CDK19: variants seen among roughly 807,000 people sequenced by gnomAD.
CDK19 encodes the protein cyclin dependent kinase 19, also known as cyclin-dependent kinase 19.
In CDK19, 20 loss-of-function variants were observed where a neutral mutation model predicts 68.3. The ratio of observed to expected loss-of-function variants is 0.29; its 90% confidence interval spans 0.21 to 0.43. The LOEUF (loss-of-function observed/expected upper bound fraction) is 0.43. Among genes scored for constraint, CDK19 ranks in the 20% least tolerant of loss-of-function variants. CDK19 has a pLI of 1.00. For synonymous variants in CDK19, 221 were observed against 222.8 expected (o/e 0.99, Z 0.07); for missense variants, 339 against 623.5 (o/e 0.54, Z 4.86).
At chr6:110,728,453 G>A (rs2114782590) in intron 2 of CDK19, among the ~76,000 whole-genome samples, 2 of 151,934 alleles carry the variant, frequency 1.3e-5, no homozygotes, top group Middle Eastern at 6.8e-3. Context: ...AAATCTCTAA[G>A]TTTTTTTCCA....
rs1056627229 is a variant in CDK19 at position 110,610,959 on chromosome 6, T to A, written c.*3576A>T. 2 of 152,208 alleles carry A rather than the reference T, an allele frequency of 1.3e-5. No individual in the cohort carries two copies. Among genetic ancestry groups the A allele is most frequent in the African/African-American group, 4.8e-5 (2 of 41,446 alleles). 9.4% of individuals were successfully genotyped at this position (152,208 alleles called of 1,614,324 possible). A position where few individuals can be genotyped will look rare whatever the true frequency, so the allele number is the denominator to read the frequency against. Reference sequence around the variant, plus strand: ...AGGCAGCACACATAGGTAAATGTCATCCCTTTCCATTCTTAAGAGTCCATT... The same window carrying A: ...AGGCAGCACACATAGGTAAATGTCAACCCTTTCCATTCTTAAGAGTCCATT... On this transcript the variant is annotated 3_prime_UTR_variant, in exon 13 of 13. Transcript: ENST00000368911.
chr6:110,702,762 T>C (rs1774120390), intron 2 of CDK19, among the ~76,000 whole-genome samples: 1 of 152,176 alleles, frequency 6.6e-6, no homozygotes, highest in Admixed American at 6.5e-5. Context: ...ATCTATCTCT[T>C]TGGTATTTTT....
chr6:110,734,751 T>G (rs975878101), intron 2 of CDK19, among the ~76,000 whole-genome samples: 1 of 152,106 alleles, frequency 6.6e-6, no homozygotes, highest in African/African-American at 2.4e-5. Context: ...ACAGTCTTGA[T>G]TATACAGTGT....
At position 110,679,157 on chromosome 6, in the gene CDK19, T is replaced by C. The variant is rs375319952; in HGVS notation, c.205-8616A>G. 2.0e-5 allele frequency among the ~76,000 whole-genome samples: 3 copies of C among 151,724 alleles called. No individual in the cohort carries two copies. The South Asian group carries it at 6.3e-4, about 32-fold the overall frequency. On this transcript the variant is annotated intron_variant, in intron 2 of 12. Coordinates refer to ENST00000368911, the MANE Select transcript of CDK19 (RefSeq NM_015076.5). ...AGCCCTATCTCTACAAAAAAATAAATTAAATTAAATTATCCAGGCATGGTG... is the reference window on the plus strand; with the variant it reads ...AGCCCTATCTCTACAAAAAAATAAACTAAATTAAATTATCCAGGCATGGTG...
rs1482430072 is a variant in CDK19 at position 110,723,426 on chromosome 6, G to A, written c.204+22700C>T. 3.3e-5 allele frequency among the ~76,000 whole-genome samples: 5 copies of A among 152,224 alleles called. No individual in the cohort carries two copies. In the East Asian group the frequency reaches 9.7e-4, roughly 29 times the overall value. ...AGAGGGCACAACTTGCAGAATCGAT[G>A]TGCATAATAAAAAGTGTTTCATGCC... On this transcript the variant is annotated intron_variant, in intron 2 of 12. Coordinates refer to ENST00000368911, the MANE Select transcript of CDK19 (RefSeq NM_015076.5).
intron 2 of CDK19, among the ~76,000 whole-genome samples, chr6:110,720,959 C>G (rs1390246032): frequency 1.3e-5 from 2 of 151,320 alleles, no homozygotes; most frequent in African/African-American, 2.4e-5. Context: ...GATTTGGGGT[C>G]AGGCGTGGTG....
chr6:110,805,011 C>G (rs1037954346), intron 1 of CDK19, among the ~76,000 whole-genome samples: 1 of 151,834 alleles, frequency 6.6e-6, no homozygotes, highest in African/African-American at 2.4e-5. Flanking sequence ...TTTTATTTCT[C>G]TTTGATCACT....
intron 2 of CDK19, among the ~76,000 whole-genome samples, chr6:110,743,420 T>A (rs1341217896): frequency 6.6e-6 from 1 of 151,646 alleles, no homozygotes; most frequent in African/African-American, 2.4e-5. Context: ...GGCGGGTGGA[T>A]CACTTGAGGT....
At chr6:110,739,386 A>T (rs1352613329) in intron 2 of CDK19, among the ~76,000 whole-genome samples, 2 of 152,166 alleles carry the variant, frequency 1.3e-5, no homozygotes, top group Admixed American at 1.3e-4. Flanking sequence ...AATGGGCCAG[A>T]CACTGAATGG....
chr6:110,671,940 G>T (rs112370230), intron 2 of CDK19, among the ~76,000 whole-genome samples: 5,135 of 152,158 alleles, frequency 0.034, 122 homozygotes, highest in Middle Eastern at 0.072. Flanking sequence ...ACCATGCCCG[G>T]CTAATTTTTG....
At chr6:110,691,481 A>G (rs1019795850) in intron 2 of CDK19, among the ~76,000 whole-genome samples, 21 of 151,726 alleles carry the variant, frequency 1.4e-4, no homozygotes, top group African/African-American at 5.1e-4. Flanking sequence ...CTCAAAAAAA[A>G]AAAGAAAGAA....
At chr6:110,672,917 T>C (rs1012764860) in intron 2 of CDK19, among the ~76,000 whole-genome samples, 2 of 152,160 alleles carry the variant, frequency 1.3e-5, no homozygotes, top group Admixed American at 1.3e-4. Context: ...GTAAAATATA[T>C]ACATAATGTA....
chr6:110,667,801 A>G (rs531344635), intron 3 of CDK19, among the ~76,000 whole-genome samples: 1 of 152,312 alleles, frequency 6.6e-6, no homozygotes, highest in South Asian at 2.1e-4. Flanking sequence ...TACTGAAACC[A>G]TTAAGATTTT....
chr6:110,624,087 A>C (rs1778933888), intron 8 of CDK19, among the ~76,000 whole-genome samples: 1 of 151,924 alleles, frequency 6.6e-6, no homozygotes, highest in Non-Finnish European at 1.5e-5. Flanking sequence ...AGAAGAAAAT[A>C]CATAATATGT....
At chr6:110,727,225 A>T (rs1227987539) in intron 2 of CDK19, among the ~76,000 whole-genome samples, 1 of 152,156 alleles carries the variant, frequency 6.6e-6, no homozygotes, top group East Asian at 1.9e-4. Context: ...CTCTATAACT[A>T]GTAACTAACC....
intron 2 of CDK19, among the ~76,000 whole-genome samples, chr6:110,712,766 A>G (rs1055295967): frequency 1.1e-4 from 16 of 152,230 alleles, no homozygotes; most frequent in African/African-American, 3.9e-4. Context: ...AGGTTAGCTA[A>G]AGAGAGTCAA....
chr6:110,655,656 C>T (rs890827010), intron 4 of CDK19, among the ~76,000 whole-genome samples: 1 of 152,146 alleles, frequency 6.6e-6, no homozygotes, highest in Non-Finnish European at 1.5e-5. Flanking sequence ...GATCTGACTA[C>T]TTACATCCTA....
intron 4 of CDK19, among the ~76,000 whole-genome samples, chr6:110,647,702 G>C (rs1256234857): frequency 1.3e-5 from 2 of 152,172 alleles, no homozygotes. Flanking sequence ...TTAGAGGGGA[G>C]TTCTCAAAAT....
intron 6 of CDK19, among the ~76,000 whole-genome samples, chr6:110,628,482 G>A (rs941281822): frequency 2.0e-5 from 3 of 152,120 alleles, no homozygotes; most frequent in Non-Finnish European, 2.9e-5. Flanking sequence ...CTCATGCTAC[G>A]CTCTCCATCT....
Sources: allele counts gnomAD v4.1 joint callset (sites outside exome capture counted in the v4.1 genomes callset), GRCh38; gene constraint gnomAD v4.1.1; transcripts MANE v1.5; gene names NCBI Gene and HGNC (gene_info 2026-07-23, HGNC 2026-07-21).